The following CDC14B variants were observed in gnomAD, a reference collection of about 807,000 sequenced individuals.
CDC14B encodes dual specificity protein phosphatase CDC14B.
A neutral mutation model predicts 64.2 loss-of-function variants in CDC14B; 22 were observed. The observed-to-expected ratio is 0.34, with a 90% CI of 0.24 to 0.49. The LOEUF is 0.49. CDC14B is among the 20% of genes least tolerant of loss of function. The pLI is 0.99. For synonymous variants in CDC14B, 191 were observed against 215.8 expected (o/e 0.89, Z 1.01); for missense variants, 498 against 629.9 (o/e 0.79, Z 2.24).
At chr9:96,588,781 T>C (rs1411486726) in intron 1 of CDC14B, among the ~76,000 whole-genome samples, 1 of 152,172 alleles carries the variant, frequency 6.6e-6, no homozygotes, top group Non-Finnish European at 1.5e-5. Flanking sequence ...GCCAAATTTG[T>C]AGTTTTTAAA....
chr9:96,536,745 A>G (rs1229058038), intron 7 of CDC14B, among the ~76,000 whole-genome samples: 1 of 152,196 alleles, frequency 6.6e-6, no homozygotes, highest in Non-Finnish European at 1.5e-5. Flanking sequence ...TGTTTGAGGA[A>G]TCATCTCCCC....
chr9:96,618,715 G>A (rs1412591605), intron 1 of CDC14B: 4 of 420,532 alleles, frequency 9.5e-6, no homozygotes, highest in Non-Finnish European at 1.8e-5. Flanking sequence ...GGCGCCCAGG[G>A]TCCCAAGGCT....
At chr9:96,499,048 C>T (rs1451343844), downstream of CDC14B, among the ~76,000 whole-genome samples, 1 of 152,216 alleles carries the variant, frequency 6.6e-6, no homozygotes, top group Non-Finnish European at 1.5e-5. Context: ...AGGGACTTCA[C>T]GGAGCTGCGT....
intron 1 of CDC14B, among the ~76,000 whole-genome samples, chr9:96,578,421 AAG>A (rs1466277228): frequency 6.6e-6 from 1 of 152,244 alleles, no homozygotes; most frequent in Non-Finnish European, 1.5e-5. Context: ...AACTTTACAG[AAG>A]AAAAACTTAG....
At position 96,564,868 on chromosome 9, in the gene CDC14B, A is replaced by G. The variant is rs781173837; in HGVS notation, c.252-16T>C. 1.9e-6 allele frequency: 3 copies of G among 1,550,066 alleles called. No individual in the cohort carries two copies. The South Asian group carries it at 3.5e-5, about 18-fold the overall frequency. ...TGCGTAGAAGCTTTAAAAATGAAAA[A>G]TAAAAATGTGATGTACATTCTAGAT... On this transcript the variant is annotated splice_polypyrimidine_tract_variant and intron_variant, in intron 2 of 13. Transcript: ENST00000375241.
chr9:96,607,898 G>C (rs1324209891), intron 1 of CDC14B, among the ~76,000 whole-genome samples: 1 of 152,196 alleles, frequency 6.6e-6, no homozygotes, highest in Non-Finnish European at 1.5e-5. Context: ...GAAGCAGAAA[G>C]CAGACTCGTG....
In CDC14B at chr9:96,515,824, T is replaced by C. The variant is rs1318466632; in HGVS notation, c.1344-6035A>G. 4 of 1,536,906 alleles carry C rather than the reference T, an allele frequency of 2.6e-6. No homozygotes were observed. The South Asian group carries it at 5.0e-5, about 19-fold the overall frequency. On this transcript the variant is annotated intron_variant, in intron 12 of 13. Coordinates refer to ENST00000375241, the MANE Select transcript of CDC14B (RefSeq NM_033331.4). This position sits in a 1 kb window ranked among gnomAD's most constrained non-coding sequence, Gnocchi z 4.3. ...AGGGGTGAAGGGGAAAGAACAGATG[T>C]TCAAATTGGGAAGCCAAAATAAATT...
chr9:96,523,138 TA>T (rs1380817500), intron 11 of CDC14B, 122 bp downstream of exon 11: 21 of 1,066,518 alleles, frequency 2.0e-5, no homozygotes, highest in East Asian at 9.6e-5. Context: ...GTTATAAATA[TA>T]AAAAACTGAC....
At chr9:96,514,656 A>G in intron 12 of CDC14B, 1 of 985,474 alleles carries the variant, frequency 1.0e-6, no homozygotes, top group Non-Finnish European at 1.2e-6. Context: ...ATTCTTTCAT[A>G]ACTTCCAAGT....
intron 1 of CDC14B, among the ~76,000 whole-genome samples, chr9:96,592,052 A>G (rs539498164): frequency 6.6e-6 from 1 of 151,770 alleles, no homozygotes; most frequent in East Asian, 2.0e-4. Flanking sequence ...GCCTGTCTTT[A>G]ATTTCTTTCA....
intron 5 of CDC14B, among the ~76,000 whole-genome samples, chr9:96,547,608 C>G (rs1841138294): frequency 6.6e-6 from 1 of 152,064 alleles, no homozygotes. Flanking sequence ...CACATGCCAC[C>G]CTGCCCAGCT....
intron 1 of CDC14B, among the ~76,000 whole-genome samples, chr9:96,597,880 G>A (rs965270421): frequency 9.9e-5 from 15 of 152,184 alleles, no homozygotes; most frequent in Admixed American, 1.3e-4. Flanking sequence ...ATATGTAAAA[G>A]TAAAATTCAT....
intron 1 of CDC14B, among the ~76,000 whole-genome samples, chr9:96,598,166 A>G (rs1846205823): frequency 6.6e-6 from 1 of 152,224 alleles, no homozygotes; most frequent in Non-Finnish European, 1.5e-5. Context: ...AATTGGAAAC[A>G]GCCCAATAGA....
chr9:96,508,198 TAGAG>T (rs1212543502), intron 13 of CDC14B, among the ~76,000 whole-genome samples: 2 of 152,090 alleles, frequency 1.3e-5, no homozygotes, highest in Non-Finnish European at 2.9e-5. Flanking sequence ...GTATTTTTAG[TAGAG>T]ACGGGGTTTC....
chr9:96,607,413 CTTTTTTT>C (rs999912549), intron 1 of CDC14B, among the ~76,000 whole-genome samples: 1 of 66,370 alleles, frequency 1.5e-5, no homozygotes, highest in African/African-American at 5.9e-5. Context: ...AACGTGATGT[CTTTTTTT>C]TTTTTTTTTT....
chr9:96,541,206 C>A (rs1252939751), intron 6 of CDC14B, among the ~76,000 whole-genome samples: 1 of 152,210 alleles, frequency 6.6e-6, no homozygotes, highest in African/African-American at 2.4e-5. Context: ...CCCCAGGGGA[C>A]CCTGTTCACG....
At chr9:96,580,839 G>T (rs2118328521) in intron 1 of CDC14B, among the ~76,000 whole-genome samples, 1 of 152,218 alleles carries the variant, frequency 6.6e-6, no homozygotes, top group African/African-American at 2.4e-5. Context: ...GTCATACAAA[G>T]ATCAACTAAG....
At chr9:96,607,159 TTGG>T (rs1847006076) in intron 1 of CDC14B, among the ~76,000 whole-genome samples, 1 of 152,064 alleles carries the variant, frequency 6.6e-6, no homozygotes, top group Non-Finnish European at 1.5e-5. Context: ...TATCTTTATT[TTGG>T]AAATTCCCAA....
chr9:96,513,618 C>T lies in CDC14B; in HGVS notation c.1344-3829G>A, dbSNP rs535173783. On this transcript the variant is annotated intron_variant, in intron 12 of 13. Transcript: ENST00000375241. ...AGTGAAATCTGCAACCCAAGGAACA[C>T]GGCAAAGCCAAAAACTAAAAAGCCA... Among the ~76,000 whole-genome samples, 19 of 152,188 alleles carry T rather than the reference C, an allele frequency of 1.2e-4. 1 individual carries two copies. Among genetic ancestry groups the T allele is most frequent in the Non-Finnish European group, 8.8e-5 (6 of 68,040 alleles).
Sources: allele counts gnomAD v4.1 joint callset (sites outside exome capture counted in the v4.1 genomes callset), GRCh38; gene constraint gnomAD v4.1.1; non-coding constraint Gnocchi (gnomAD v3.1); transcripts MANE v1.5; gene names NCBI Gene and HGNC (gene_info 2026-07-23, HGNC 2026-07-21).